PLXNA4: variants seen among roughly 807,000 people sequenced by gnomAD.
PLXNA4 encodes the protein plexin A4, also known as plexin-A4.
In PLXNA4, 44 loss-of-function variants were observed where a neutral mutation model predicts 191.8. The observed-to-expected ratio is 0.23, with a 90% CI of 0.18 to 0.29. PLXNA4 has a LOEUF of 0.29. Ranked by LOEUF, PLXNA4 falls within the 10% of genes least tolerant of loss-of-function variation. The probability of loss-of-function intolerance (pLI) is 1.00; values close to 1 mark genes in which losing one functional copy is unlikely to be tolerated. For synonymous variants in PLXNA4, 1,082 were observed against 1,009.5 expected, an observed-to-expected ratio of 1.07 and a Z score of -1.36; for missense variants, 1,800 against 2,488.8, an observed-to-expected ratio of 0.72 and a Z score of 5.89.
chr7:132,283,795 C>T (rs760647735), intron 4 of PLXNA4, among the ~76,000 whole-genome samples: 4 of 152,236 alleles, frequency 2.6e-5, no homozygotes, highest in Non-Finnish European at 5.9e-5. Flanking sequence ...CTACTTCCTA[C>T]ATTTGTCATC....
intron 2 of PLXNA4, among the ~76,000 whole-genome samples, chr7:132,627,863 A>C (rs1321124928): frequency 6.6e-6 from 1 of 152,222 alleles, no homozygotes; most frequent in East Asian, 1.9e-4. Context: ...CTTTATAAAT[A>C]ACCCAGTCTA....
In PLXNA4 at chr7:132,507,735, G is replaced by T. The variant is rs764923807; in HGVS notation, c.959C>A (p.Ala320Asp). The T allele has an allele frequency of 6.2e-7, 1 of 1,614,140 alleles. No homozygotes were observed. The highest frequency in any genetic ancestry group is 1.1e-5 in the South Asian group (1 of 91,082). Reference protein sequence around the residue: ...LQAAYLSKAGAVLGRTLGVHP... With the variant: ...LQAAYLSKAGDVLGRTLGVHP... ...GACTCCAAGGGTCCTGCCAAGCACG[G>T]CCCCCGCTTTGGACAGGTAGGCAGC... The change falls in exon 2 of 32, where the codon GCC (alanine) becomes GAC (aspartate). Residue 320 changes from alanine to aspartate, a missense_variant. Physicochemically the swap from Ala to Asp is moderately radical, Grantham distance 126 (BLOSUM62 -2). Around this residue, in one of 6 missense-constraint regions of PLXNA4, gnomAD observed 1,397 missense variants for 1,880.4 expected, o/e 0.74. Transcript: ENST00000321063.
At chr7:132,480,259 G>A (rs982828005) in intron 3 of PLXNA4, among the ~76,000 whole-genome samples, 5 of 152,188 alleles carry the variant, frequency 3.3e-5, no homozygotes, top group South Asian at 4.1e-4. Flanking sequence ...AAAGGATTGT[G>A]AGAAGAGCCG....
At chr7:132,150,866 C>T (rs75255066) in intron 25 of PLXNA4, among the ~76,000 whole-genome samples, 1 of 152,340 alleles carries the variant, frequency 6.6e-6, no homozygotes, top group African/African-American at 2.4e-5. Flanking sequence ...CCCCTTAGAG[C>T]TGTGCAGTGC....
chr7:132,185,110 C>T (rs1796833044), intron 16 of PLXNA4, among the ~76,000 whole-genome samples, 189 bp downstream of exon 16: 1 of 152,132 alleles, frequency 6.6e-6, no homozygotes, highest in Non-Finnish European at 1.5e-5. Context: ...CTGGGTTTGG[C>T]ACAGAGGTGC....
At chr7:132,596,848 C>T (rs1267362844) in intron 2 of PLXNA4, among the ~76,000 whole-genome samples, 1 of 119,646 alleles carries the variant, frequency 8.4e-6, no homozygotes, top group African/African-American at 3.2e-5. Context: ...GAAACAGAAT[C>T]TAAATGCCAT....
At chr7:132,596,910 C>T (rs1405542023) in intron 2 of PLXNA4, among the ~76,000 whole-genome samples, 1 of 150,540 alleles carries the variant, frequency 6.6e-6, no homozygotes, top group East Asian at 1.9e-4. Context: ...AATGATTCAC[C>T]TCCTCACTGA....
rs1171713711 is a variant in PLXNA4 at position 132,140,679 on chromosome 7, C to G, written c.5358G>C (p.Glu1786Asp). The change falls in exon 30 of 32, where the codon GAG becomes GAC. Residue 1786 changes from glutamate (E) to aspartate (D), a missense_variant. By Grantham distance (45) the Glu-to-Asp change is conservative. Transcript: ENST00000321063. Reference protein sequence around the residue: ...QTFMDSCSTSEHRLGKDSPSN... With the variant: ...QTFMDSCSTSDHRLGKDSPSN... Reference sequence around the variant, plus strand: ...AGGGCGAGTCCTTGCCCAGCCGGTGCTCTGACGTGGAGCAAGAGTCCATGA... The same window carrying G: ...AGGGCGAGTCCTTGCCCAGCCGGTGGTCTGACGTGGAGCAAGAGTCCATGA... 6.2e-7 allele frequency: 1 copy of G among 1,614,146 alleles called. No individual in the cohort carries two copies. Among genetic ancestry groups the G allele is most frequent in the South Asian group, 1.1e-5 (1 of 91,058 alleles).
At chr7:132,196,400 G>GA (rs1251343554) in intron 13 of PLXNA4, among the ~76,000 whole-genome samples, 26 of 152,308 alleles carry the variant, frequency 1.7e-4, no homozygotes, top group African/African-American at 4.6e-4. Context: ...TGTGTTCCAA[G>GA]AACCTGTGTT....
rs1038451399 is a variant in PLXNA4, at chr7:132,642,929, T to TA, written c.-87+2998dup. On this transcript the variant is annotated intron_variant, in intron 2 of 4. Coordinates refer to the PLXNA4 transcript ENST00000378539. ...GAGTATGATACGATATAATTTGTGT[T>TA]AAAAAATTAATTTACACATGCTTAT... 2.0e-5 allele frequency among the ~76,000 whole-genome samples: 3 copies of TA among 152,086 alleles called. No homozygotes were observed. The South Asian group carries it at 6.2e-4, about 32-fold the overall frequency.
Position 132,508,583 on chromosome 7 carries a change from C to T in PLXNA4, c.111G>A (p.Gln37=), listed in dbSNP as rs958876553. 6.2e-7 allele frequency: 1 copy of T among 1,614,102 alleles called. No individual in the cohort carries two copies. The highest frequency in any genetic ancestry group is 1.3e-5 in the African/African-American group (1 of 75,048). ...TRQPAPLSQK[Q]RSFVTFRGEP... ...CTCCTCGGAATGTGACAAATGACCG[C>T]TGCTTCTGGGACAGCGGGGCTGGCT... The change falls in exon 2 of 32, where the codon CAG becomes CAA. Residue 37 remains glutamine (Q), a synonymous_variant. Transcript: ENST00000321063. The surrounding 1 kb of genome is among the most constrained non-coding windows in gnomAD (Gnocchi z 4.4).
intron 1 of PLXNA4, among the ~76,000 whole-genome samples, chr7:132,549,150 C>T (rs1438458317): frequency 6.6e-6 from 1 of 152,222 alleles, no homozygotes. Flanking sequence ...CATCCTGCTG[C>T]TCTGCCTATG....
intron 1 of PLXNA4, among the ~76,000 whole-genome samples, chr7:132,563,372 C>T (rs1322625449): frequency 1.8e-5 from 2 of 112,650 alleles, no homozygotes; most frequent in Admixed American, 8.5e-5. Context: ...CCTCCTCCTC[C>T]TCCTTCTCCT....
intron 2 of PLXNA4, among the ~76,000 whole-genome samples, chr7:132,505,193 C>G (rs186251533): frequency 2.1e-4 from 32 of 152,360 alleles, no homozygotes; most frequent in Non-Finnish European, 4.4e-4. Context: ...CTCCATTACT[C>G]CCCGTCCCGG....
intron 2 of PLXNA4, among the ~76,000 whole-genome samples, chr7:132,502,000 G>A (rs575459422): frequency 2.0e-5 from 3 of 152,292 alleles, no homozygotes; most frequent in South Asian, 2.1e-4. Context: ...AGCAAGCCTC[G>A]TCTAATGCCA....
intron 1 of PLXNA4, among the ~76,000 whole-genome samples, chr7:132,514,044 T>C (rs1391194344): frequency 6.6e-6 from 1 of 150,728 alleles, no homozygotes; most frequent in Admixed American, 6.6e-5. Flanking sequence ...AGATAAGCAC[T>C]GTTTGGTGAG....
At chr7:132,386,812 T>C (rs1274316975) in intron 3 of PLXNA4, among the ~76,000 whole-genome samples, 1 of 152,176 alleles carries the variant, frequency 6.6e-6, no homozygotes, top group Non-Finnish European at 1.5e-5. Flanking sequence ...CGGGACACTT[T>C]TGTGCACAAG....
chr7:132,645,275 C>A (rs1280173856), intron 2 of PLXNA4, among the ~76,000 whole-genome samples: 3 of 152,110 alleles, frequency 2.0e-5, no homozygotes, highest in African/African-American at 4.8e-5. Flanking sequence ...GAGGGAGGAG[C>A]CTGGTGGGAG....
chr7:132,329,753 G>T (rs780867688), intron 3 of PLXNA4, among the ~76,000 whole-genome samples: 3 of 152,216 alleles, frequency 2.0e-5, no homozygotes, highest in Non-Finnish European at 4.4e-5. Context: ...GAAATCTGGT[G>T]ATACTGATGA....
Sources: allele counts gnomAD v4.1 joint callset (sites outside exome capture counted in the v4.1 genomes callset), GRCh38; gene constraint gnomAD v4.1.1; regional missense constraint gnomAD v4.1.1; non-coding constraint Gnocchi (gnomAD v3.1); transcripts MANE v1.5; gene names NCBI Gene and HGNC (gene_info 2026-07-23, HGNC 2026-07-21).